Variants in GLI3 observed in about 807,000 individuals in gnomAD.
GLI3 encodes the protein GLI family zinc finger 3.
In GLI3, 20 loss-of-function variants were observed where a neutral mutation model predicts 100.8. The observed-to-expected ratio is 0.20, with a 90% CI of 0.14 to 0.29. GLI3 has a LOEUF of 0.29. Ranked by LOEUF, GLI3 falls within the 10% of genes least tolerant of loss-of-function variation. GLI3 has a pLI of 1.00. For synonymous variants in GLI3, 938 were observed against 860.5 expected, an observed-to-expected ratio of 1.09 and a Z score of -1.58; for missense variants, 2,040 against 2,128.5, an observed-to-expected ratio of 0.96 and a Z score of 0.82.
In GLI3 at chr7:42,179,266, G is replaced by A. The variant is rs549117542; in HGVS notation, c.125-30798C>T. 2.6e-4 allele frequency among the ~76,000 whole-genome samples: 40 copies of A among 152,274 alleles called. No homozygotes were observed. In the East Asian group the frequency reaches 4.1e-3, roughly 15 times the overall value. ...GAGGCAACCCCAGCCATGTGGAACC[G>A]AAAGTCCAATAAACTTCTTTCTTTT... On this transcript the variant is annotated intron_variant, in intron 2 of 14. Transcript: ENST00000395925.
At chr7:42,071,982 G>T (rs536049112) in intron 4 of GLI3, among the ~76,000 whole-genome samples, 48 of 150,436 alleles carry the variant, frequency 3.2e-4, no homozygotes, top group Non-Finnish European at 5.5e-4. Context: ...ACTCAACAAA[G>T]AAAAAAAAAG....
chr7:42,041,584 T>C (rs944405967), intron 6 of GLI3, among the ~76,000 whole-genome samples: 1 of 152,174 alleles, frequency 6.6e-6, no homozygotes, highest in African/African-American at 2.4e-5. Context: ...TACCAGTTTA[T>C]AGGAAAATGG....
At chr7:42,261,488 T>C (rs1399354117) in intron 1 of GLI3, among the ~76,000 whole-genome samples, 4 of 152,188 alleles carry the variant, frequency 2.6e-5, no homozygotes, top group Non-Finnish European at 5.9e-5. Context: ...GTTCACTGTA[T>C]GCAAAGCCAG....
chr7:41,984,750 G>A (rs143640187), intron 10 of GLI3, among the ~76,000 whole-genome samples: 125 of 152,282 alleles, frequency 8.2e-4, no homozygotes, highest in African/African-American at 2.8e-3. Context: ...GCTCCCCTGC[G>A]CATGTACTTT....
At chr7:41,995,330 T>C (rs1788095320) in intron 10 of GLI3, among the ~76,000 whole-genome samples, 1 of 152,140 alleles carries the variant, frequency 6.6e-6, no homozygotes, top group Admixed American at 6.5e-5. Flanking sequence ...CTGGTTTATC[T>C]TCTCTCATCT....
chr7:41,997,701 C>T (rs1358764239), intron 10 of GLI3, among the ~76,000 whole-genome samples: 1 of 152,134 alleles, frequency 6.6e-6, no homozygotes, highest in African/African-American at 2.4e-5. Flanking sequence ...GGCTTTGACC[C>T]CTTCTGGACT....
intron 10 of GLI3, among the ~76,000 whole-genome samples, chr7:41,991,111 T>C (rs945279563): frequency 1.3e-5 from 2 of 152,162 alleles, no homozygotes; most frequent in Non-Finnish European, 2.9e-5. Flanking sequence ...CAAGACAGAA[T>C]AAGACATGTC....
intron 2 of GLI3, among the ~76,000 whole-genome samples, chr7:42,220,569 G>A (rs1319694310): frequency 1.3e-5 from 2 of 152,178 alleles, no homozygotes; most frequent in African/African-American, 4.8e-5. Flanking sequence ...GCAGAAGAAA[G>A]GGCCTCTGCG....
chr7:42,099,530 T>A (rs988083329), intron 3 of GLI3, among the ~76,000 whole-genome samples: 3 of 152,204 alleles, frequency 2.0e-5, no homozygotes, highest in Admixed American at 1.3e-4. Context: ...TAATTATTTT[T>A]AGAGATATGT....
chr7:41,969,193 T>G (rs566655263), intron 13 of GLI3, among the ~76,000 whole-genome samples: 1 of 152,312 alleles, frequency 6.6e-6, no homozygotes, highest in East Asian at 1.9e-4. Flanking sequence ...GTTTAGTGAC[T>G]GCCCAAAGTC....
chr7:42,184,485 C>T (rs541476747), intron 2 of GLI3, among the ~76,000 whole-genome samples: 52 of 152,332 alleles, frequency 3.4e-4, no homozygotes, highest in Non-Finnish European at 6.0e-4. Flanking sequence ...GAAGGCGGGC[C>T]TGCTCTTCCT....
intron 6 of GLI3, among the ~76,000 whole-genome samples, chr7:42,044,043 G>A (rs551381560): frequency 6.6e-6 from 1 of 152,252 alleles, no homozygotes; most frequent in South Asian, 2.1e-4. Context: ...AGAATCTTGT[G>A]TTCCAATGAA....
intron 3 of GLI3, among the ~76,000 whole-genome samples, chr7:42,079,470 T>TG (rs1784954297): frequency 1.3e-5 from 2 of 152,086 alleles, no homozygotes; most frequent in South Asian, 4.1e-4. Context: ...AATATGGGGG[T>TG]GGCTCTTCTT....
At chr7:42,161,845 CA>C (rs1329836348) in intron 2 of GLI3, among the ~76,000 whole-genome samples, 6 of 152,190 alleles carry the variant, frequency 3.9e-5, no homozygotes, top group African/African-American at 1.4e-4. Context: ...CAAATGTAGT[CA>C]GGATTCTGAG....
At chr7:42,152,051 C>T (rs751231660) in intron 2 of GLI3, 1 of 152,196 alleles carries the variant, frequency 6.6e-6, no homozygotes, top group Non-Finnish European at 1.5e-5. Context: ...CTCATGGTAA[C>T]CGAGGGAACA....
intron 10 of GLI3, among the ~76,000 whole-genome samples, chr7:42,013,800 T>C (rs891504790): frequency 6.6e-6 from 1 of 152,230 alleles, no homozygotes; most frequent in Non-Finnish European, 1.5e-5. Flanking sequence ...CTATCAGAGA[T>C]AATTATCCCA....
Position 41,965,481 on chromosome 7 carries a change from C to T in GLI3, c.3592G>A (p.Val1198Ile). 2 of 1,609,466 alleles carry T rather than the reference C, an allele frequency of 1.2e-6. No individual in the cohort carries two copies. The highest frequency in any genetic ancestry group is 1.7e-6 in the Non-Finnish European group (2 of 1,177,284). ...CTCAAGGGGTTCTGCGGGTGGACGA[C>T]CATGCCGTTGCAGAACCCAAAGGCG... ...TRAFGFCNGMVVHPQNPLRSG... is the reference protein window; with the variant it reads ...TRAFGFCNGMIVHPQNPLRSG... The change falls in exon 15 of 15, where the codon GTC (valine) becomes ATC (isoleucine). Residue 1198 changes from valine to isoleucine, a missense_variant. Physicochemically the swap from Val to Ile is conservative, Grantham distance 29 (BLOSUM62 3). Around this residue, in one of 5 missense-constraint regions of GLI3, gnomAD observed 1,041 missense variants for 924.0 expected, o/e 1.13. Transcript: ENST00000395925.
intron 1 of GLI3, among the ~76,000 whole-genome samples, chr7:42,230,284 T>G (rs889023696): frequency 1.3e-5 from 2 of 152,232 alleles, no homozygotes; most frequent in African/African-American, 4.8e-5. Flanking sequence ...ATTTGGTAGC[T>G]CAGGGTTCCC....
intron 1 of GLI3, among the ~76,000 whole-genome samples, chr7:42,228,309 CCGCATTTCTGAA>C (rs1788625041): frequency 6.6e-6 from 1 of 152,084 alleles, no homozygotes; most frequent in Admixed American, 6.5e-5. Context: ...CGGCTTTGAT[CCGCATTTCTGAA>C]GCTGGCTTTG....
Sources: allele counts gnomAD v4.1 joint callset (sites outside exome capture counted in the v4.1 genomes callset), GRCh38; gene constraint gnomAD v4.1.1; regional missense constraint gnomAD v4.1.1; transcripts MANE v1.5; gene names NCBI Gene and HGNC (gene_info 2026-07-23, HGNC 2026-07-21).